The following RANBP17 variants were observed in gnomAD, a reference collection of about 807,000 sequenced individuals.
RANBP17 encodes the protein ran-binding protein 17.
A neutral mutation model predicts 141.2 loss-of-function variants in RANBP17; 158 were observed. The ratio of observed to expected loss-of-function variants is 1.12; its 90% confidence interval spans 0.98 to 1.28. RANBP17 has a LOEUF of 1.28. Among genes scored for constraint, RANBP17 ranks in the 50% most tolerant of loss-of-function variants. The probability of loss-of-function intolerance (pLI) is 0.00; values close to 1 mark genes in which losing one functional copy is unlikely to be tolerated. For synonymous variants in RANBP17, 430 were observed against 450.0 expected (o/e 0.96, Z 0.56); for missense variants, 1,438 against 1,290.7 (o/e 1.11, Z -1.75).
intron 14 of RANBP17, among the ~76,000 whole-genome samples, chr5:171,022,264 C>T (rs921142455): frequency 6.6e-6 from 1 of 152,206 alleles, no homozygotes; most frequent in African/African-American, 2.4e-5. Flanking sequence ...TGGAGGGACT[C>T]ACCCAGTTGG....
chr5:171,293,694 G>C (rs933845075), intron 25 of RANBP17, among the ~76,000 whole-genome samples, 189 bp from the exon 26 acceptor site: 2 of 152,228 alleles, frequency 1.3e-5, no homozygotes, highest in African/African-American at 4.8e-5. Flanking sequence ...CAGGGAGCTA[G>C]CTGGGGGTCT....
At chr5:170,937,029 T>C (rs1055638625) in intron 12 of RANBP17, among the ~76,000 whole-genome samples, 1 of 152,248 alleles carries the variant, frequency 6.6e-6, no homozygotes, top group Non-Finnish European at 1.5e-5. Flanking sequence ...TGTCTTTATA[T>C]TTAAAGTGTG....
At chr5:170,888,583 C>T (rs1466266955) in intron 3 of RANBP17, among the ~76,000 whole-genome samples, 2 of 152,086 alleles carry the variant, frequency 1.3e-5, no homozygotes, top group Non-Finnish European at 2.9e-5. Context: ...TTGCTGTAAT[C>T]ATTTATTAGT....
At chr5:170,991,923 G>T (rs2127565345) in intron 14 of RANBP17, among the ~76,000 whole-genome samples, 1 of 152,038 alleles carries the variant, frequency 6.6e-6, no homozygotes, top group Middle Eastern at 3.4e-3. Context: ...ATTTGTGTTG[G>T]AAACCAACCA....
intron 12 of RANBP17, among the ~76,000 whole-genome samples, chr5:170,950,049 G>T (rs2127490938): frequency 6.6e-6 from 1 of 152,196 alleles, no homozygotes; most frequent in Non-Finnish European, 1.5e-5. Context: ...TCCAGATGTG[G>T]AAGAATAAAA....
At chr5:170,980,542 G>A (rs1319194541) in intron 14 of RANBP17, among the ~76,000 whole-genome samples, 2 of 152,196 alleles carry the variant, frequency 1.3e-5, no homozygotes, top group African/African-American at 4.8e-5. Flanking sequence ...TCCAGCTGTG[G>A]CTGAAAGGGG....
At chr5:171,038,284 T>C (rs537096322) in intron 14 of RANBP17, among the ~76,000 whole-genome samples, 6 of 152,232 alleles carry the variant, frequency 3.9e-5, no homozygotes, top group Admixed American at 6.5e-5. Context: ...CTAGTAACTT[T>C]TTGTACATTA....
At chr5:171,095,320 CTTG>C (rs774001249) in intron 14 of RANBP17, among the ~76,000 whole-genome samples, 31 of 152,196 alleles carry the variant, frequency 2.0e-4, no homozygotes, top group Non-Finnish European at 3.8e-4. Context: ...CTTTGATGTA[CTTG>C]TTGTGACAAC....
At chr5:171,065,742 A>G (rs1326196472) in intron 14 of RANBP17, among the ~76,000 whole-genome samples, 2 of 152,168 alleles carry the variant, frequency 1.3e-5, no homozygotes, top group Non-Finnish European at 2.9e-5. Flanking sequence ...TGCCAGTACC[A>G]TACTGTTTAA....
intron 14 of RANBP17, among the ~76,000 whole-genome samples, chr5:171,149,245 C>G (rs1758302763): frequency 6.6e-6 from 1 of 152,124 alleles, no homozygotes; most frequent in African/African-American, 2.4e-5. Context: ...TTTACTGTTC[C>G]ATTTTTTACT....
intron 5 of RANBP17, among the ~76,000 whole-genome samples, chr5:170,901,585 C>G (rs978550250): frequency 6.6e-6 from 1 of 152,156 alleles, no homozygotes; most frequent in African/African-American, 2.4e-5. Flanking sequence ...GGTTATTATG[C>G]CTGATAGTTG....
intron 14 of RANBP17, among the ~76,000 whole-genome samples, chr5:171,025,585 CTT>C (rs571015455): frequency 7.3e-6 from 1 of 137,264 alleles, no homozygotes. Flanking sequence ...TTCTTTTTTT[CTT>C]TTTTTTTTGA....
chr5:171,138,950 A>G (rs1294031744), intron 14 of RANBP17, among the ~76,000 whole-genome samples: 1 of 152,072 alleles, frequency 6.6e-6, no homozygotes, highest in Non-Finnish European at 1.5e-5. Context: ...GGTGGCATGC[A>G]CCTGTAGTGC....
chr5:171,213,668 GAACGGTGGTATGGAGAGCC>G lies in RANBP17; in HGVS notation c.2273_2291del (p.Arg758HisfsTer7). On this transcript the variant is annotated frameshift_variant, in exon 21 of 28. Coordinates refer to ENST00000523189, the MANE Select transcript of RANBP17 (RefSeq NM_022897.5). LOFTEE classifies it high-confidence loss of function. ...CCTTCCCCTTCTTCAGAATGCTGTT[GAACGGTGGTATGGAGAGCC>G]AACATGTACAACTCCCATCTTGAAA... The G allele has an allele frequency of 6.2e-7, 1 of 1,613,808 alleles. No homozygotes were observed. The highest frequency in any genetic ancestry group is 8.5e-7 in the Non-Finnish European group (1 of 1,179,792).
chr5:170,939,566 A>G (rs961783337), intron 12 of RANBP17, among the ~76,000 whole-genome samples: 3 of 151,908 alleles, frequency 2.0e-5, no homozygotes, highest in African/African-American at 7.3e-5. Flanking sequence ...GTATTGTTTT[A>G]GTAGAGACGG....
chr5:170,904,271 A>C (rs1351615225), intron 5 of RANBP17: 1 of 264,436 alleles, frequency 3.8e-6, no homozygotes, highest in Non-Finnish European at 7.7e-6. Context: ...AATGAAAGAG[A>C]GATTCATGAG....
intron 19 of RANBP17, among the ~76,000 whole-genome samples, chr5:171,200,413 AAG>A: frequency 6.6e-6 from 1 of 152,216 alleles, no homozygotes; most frequent in East Asian, 1.9e-4. Flanking sequence ...TAAAATCCTT[AAG>A]TGTAGCAAGC....
intron 24 of RANBP17, 34 bp downstream of exon 24, chr5:171,242,854 A>T: frequency 6.2e-7 from 1 of 1,600,208 alleles, no homozygotes; most frequent in South Asian, 1.1e-5. Flanking sequence ...TTCCATAGGA[A>T]AAACTTGATT....
chr5:171,164,850 C>T (rs1452923412), intron 14 of RANBP17, among the ~76,000 whole-genome samples: 3 of 152,116 alleles, frequency 2.0e-5, no homozygotes, highest in Non-Finnish European at 2.9e-5. Context: ...TTAACAAATG[C>T]AATTTCTGAG....
Sources: allele counts gnomAD v4.1 joint callset (sites outside exome capture counted in the v4.1 genomes callset), GRCh38; gene constraint gnomAD v4.1.1; transcripts MANE v1.5; gene names NCBI Gene and HGNC (gene_info 2026-07-23, HGNC 2026-07-21).